CNTN1: variants seen among roughly 807,000 people sequenced by gnomAD.
CNTN1 encodes contactin 1.
In CNTN1, 38 loss-of-function variants were observed where a neutral mutation model predicts 126.4. That is an observed-to-expected ratio of 0.30 (90% CI 0.23 to 0.39). The LOEUF (loss-of-function observed/expected upper bound fraction) is 0.39, where lower values mean the gene tolerates loss of function less well. CNTN1 is among the 10% of genes least tolerant of loss of function. CNTN1 has a pLI of 1.00. For missense variants in CNTN1, 1,009 were observed against 1,248.4 expected (o/e 0.81, Z 2.89); for synonymous variants, 413 against 422.6 (o/e 0.98, Z 0.28).
At chr12:40,750,529 A>G (rs1938367524) in intron 1 of CNTN1, among the ~76,000 whole-genome samples, 1 of 152,060 alleles carries the variant, frequency 6.6e-6, no homozygotes, top group South Asian at 2.1e-4. Context: ...TTAGCTGTGC[A>G]TGGTGGCTCA....
chr12:41,000,438 C>T (rs1034589684), intron 17 of CNTN1, among the ~76,000 whole-genome samples: 20 of 151,926 alleles, frequency 1.3e-4, no homozygotes, highest in Non-Finnish European at 2.5e-4. Flanking sequence ...TAAAAGAGTT[C>T]CTAGAAGTTA....
At position 40,922,345 on chromosome 12, in the gene CNTN1, A is replaced by G. The variant is rs1190036581; in HGVS notation, c.317A>G (p.Gln106Arg). 6.2e-6 allele frequency: 10 copies of G among 1,614,074 alleles called. No homozygotes were observed. Among genetic ancestry groups the G allele is most frequent in the South Asian group, 1.1e-5 (1 of 91,086 alleles). Residue 106 changes from glutamine to arginine, a missense_variant, in exon 5 of 24, where the codon CAG (glutamine) becomes CGG (arginine). Coordinates refer to ENST00000551295, the MANE Select transcript of CNTN1 (RefSeq NM_001843.4). ...GNLVINNPDKQKDAGIYYCLA... is the reference protein window; with the variant it reads ...GNLVINNPDKRKDAGIYYCLA... ...CTTGTTATCAACAACCCTGACAAAC[A>G]GAAAGATGCTGGAATATACTACTGT...
At chr12:40,898,202 G>T (rs1944482902) in intron 1 of CNTN1, among the ~76,000 whole-genome samples, 1 of 152,218 alleles carries the variant, frequency 6.6e-6, no homozygotes, top group South Asian at 2.1e-4. Flanking sequence ...GAGATAATCT[G>T]CTGTTGAGGA....
chr12:40,867,787 A>AT (rs1943350204), intron 1 of CNTN1, among the ~76,000 whole-genome samples: 1 of 151,838 alleles, frequency 6.6e-6, no homozygotes, highest in Non-Finnish European at 1.5e-5. Context: ...CTTTGAATGA[A>AT]TTTTTTCTCT....
intron 1 of CNTN1, among the ~76,000 whole-genome samples, chr12:40,744,508 G>A (rs965388664): frequency 1.3e-5 from 2 of 151,992 alleles, no homozygotes; most frequent in African/African-American, 4.8e-5. Context: ...GCTACAGAGG[G>A]CCACAGGTGA....
chr12:40,901,835 G>A (rs537472907), intron 1 of CNTN1, among the ~76,000 whole-genome samples: 41 of 152,266 alleles, frequency 2.7e-4, no homozygotes, highest in African/African-American at 9.4e-4. Flanking sequence ...TTTATGAAAT[G>A]TATTTGACCA....
At chr12:40,711,794 C>T (rs1941920350) in intron 1 of CNTN1, among the ~76,000 whole-genome samples, 1 of 152,062 alleles carries the variant, frequency 6.6e-6, no homozygotes, top group African/African-American at 2.4e-5. Context: ...CTCACCATAA[C>T]CTCAAACTCC....
At chr12:40,869,395 G>GT (rs1943411991) in intron 1 of CNTN1, among the ~76,000 whole-genome samples, 1 of 151,658 alleles carries the variant, frequency 6.6e-6, no homozygotes, top group Non-Finnish European at 1.5e-5. Context: ...AGTCGCCAGA[G>GT]TAAGTTTGGA....
At chr12:40,899,011 G>A (rs528270655) in intron 1 of CNTN1, among the ~76,000 whole-genome samples, 2 of 152,330 alleles carry the variant, frequency 1.3e-5, no homozygotes, top group South Asian at 4.1e-4. Flanking sequence ...CATCTCCACA[G>A]TGGAGTAAGG....
chr12:40,943,982 T>A lies in CNTN1; in HGVS notation c.1508-13T>A, dbSNP rs1303279782. The stretch of plus-strand genomic sequence containing the variant: ...ATCTTCTTGAATTGTGCTTTACATT[T>A]AAAAATATATAGATCCTACGCGAAT... On this transcript the variant is annotated splice_polypyrimidine_tract_variant and intron_variant, in intron 13 of 23. Coordinates refer to ENST00000551295, the MANE Select transcript of CNTN1 (RefSeq NM_001843.4). The A allele has an allele frequency of 2.2e-5, 35 of 1,611,418 alleles. No individual in the cohort carries two copies. The highest frequency in any genetic ancestry group is 2.5e-5 in the Non-Finnish European group (29 of 1,178,098).
intron 1 of CNTN1, among the ~76,000 whole-genome samples, chr12:40,714,062 C>T (rs1425666942): frequency 2.0e-5 from 3 of 151,904 alleles, no homozygotes; most frequent in Non-Finnish European, 2.9e-5. Flanking sequence ...GAATGATTAC[C>T]AGCTGTTTTA....
chr12:40,985,930 G>A (rs1947945751), intron 16 of CNTN1, among the ~76,000 whole-genome samples: 1 of 151,954 alleles, frequency 6.6e-6, no homozygotes, highest in Non-Finnish European at 1.5e-5. Context: ...TATGGATAAT[G>A]GCTAATTTCC....
At chr12:40,786,693 C>T (rs944557568) in intron 1 of CNTN1, among the ~76,000 whole-genome samples, 1 of 151,876 alleles carries the variant, frequency 6.6e-6, no homozygotes, top group African/African-American at 2.4e-5. Flanking sequence ...AGGACGTCAA[C>T]AATAAAGAAG....
At chr12:40,876,255 T>G (rs374742242) in intron 1 of CNTN1, among the ~76,000 whole-genome samples, 1 of 152,046 alleles carries the variant, frequency 6.6e-6, no homozygotes, top group Non-Finnish European at 1.5e-5. Context: ...AGACACGGCA[T>G]GTGAGAAAGA....
chr12:41,044,958 A>G (rs1338764660), intron 23 of CNTN1, among the ~76,000 whole-genome samples: 1 of 152,114 alleles, frequency 6.6e-6, no homozygotes, highest in Non-Finnish European at 1.5e-5. Context: ...CCAATTTATG[A>G]TATATGCATG....
intron 1 of CNTN1, among the ~76,000 whole-genome samples, chr12:40,792,540 T>C (rs1390176699): frequency 1.3e-5 from 2 of 152,056 alleles, no homozygotes; most frequent in Non-Finnish European, 2.9e-5. Flanking sequence ...AAAATTATTG[T>C]AAACCACAGC....
chr12:40,841,907 G>A (rs1942298311), intron 1 of CNTN1, among the ~76,000 whole-genome samples: 1 of 151,764 alleles, frequency 6.6e-6, no homozygotes, highest in African/African-American at 2.4e-5. Flanking sequence ...ATTCCACATA[G>A]GATTGATACC....
chr12:41,018,422 A>G (rs1948830353), intron 19 of CNTN1, among the ~76,000 whole-genome samples: 1 of 152,102 alleles, frequency 6.6e-6, no homozygotes, highest in African/African-American at 2.4e-5. Flanking sequence ...TCACAGAATT[A>G]TTAGTTTTAG....
intron 23 of CNTN1, among the ~76,000 whole-genome samples, chr12:41,052,919 AGC>A (rs1949719324): frequency 1.3e-5 from 2 of 151,990 alleles, no homozygotes; most frequent in South Asian, 4.1e-4. Flanking sequence ...AAAATGTGAG[AGC>A]CAATAAAATC....
Sources: allele counts gnomAD v4.1 joint callset (sites outside exome capture counted in the v4.1 genomes callset), GRCh38; gene constraint gnomAD v4.1.1; transcripts MANE v1.5; gene names NCBI Gene and HGNC (gene_info 2026-07-23, HGNC 2026-07-21).